Variants in ZNF462 observed in about 807,000 individuals in gnomAD.
ZNF462 encodes zinc finger protein 462.
Under a neutral mutation model 201.9 loss-of-function variants are expected in ZNF462, and 10 were observed. The ratio of observed to expected loss-of-function variants is 0.05; its 90% CI spans 0.03 to 0.08. ZNF462 has a LOEUF of 0.08. Among genes scored for constraint, ZNF462 ranks in the 10% least tolerant of loss-of-function variants. ZNF462 has a pLI of 1.00. For missense variants in ZNF462, 2,523 were observed against 3,168.3 expected (o/e 0.80, Z 4.89); for synonymous variants, 1,227 against 1,193.3 (o/e 1.03, Z -0.58).
At chr9:106,921,630 C>T (rs1001405475) in intron 1 of ZNF462, among the ~76,000 whole-genome samples, 1 of 152,180 alleles carries the variant, frequency 6.6e-6, no homozygotes, top group African/African-American at 2.4e-5. Context: ...GATGAAAGGA[C>T]TAAGCTTGGG....
Position 106,962,783 on chromosome 9 carries a change from T to C in ZNF462, c.6428-9222T>C, listed in dbSNP as rs1303394511. On this transcript the variant is annotated intron_variant, in intron 7 of 12. Coordinates refer to ENST00000277225, the MANE Select transcript of ZNF462 (RefSeq NM_021224.6). This position sits in a 1 kb window ranked among gnomAD's most constrained non-coding sequence, Gnocchi z 4.6. ...AGGATTAGGCGTTTGTTTTTCCGTT[T>C]GCCTCCATGACAACGGAGTCCAGAA... is the stretch of plus-strand genomic sequence containing the variant. Among the ~76,000 whole-genome samples, 5 of 152,062 alleles carry C rather than the reference T, an allele frequency of 3.3e-5. No individual in the cohort carries two copies. Among genetic ancestry groups the C allele is most frequent in the Admixed American group, 3.3e-4 (5 of 15,248 alleles).
intron 1 of ZNF462, among the ~76,000 whole-genome samples, chr9:106,866,277 T>C (rs1423599519): frequency 6.6e-6 from 1 of 152,248 alleles, no homozygotes; most frequent in Admixed American, 6.5e-5. Flanking sequence ...ATGTCTAAAA[T>C]ATTTTTGTAC....
intron 7 of ZNF462, among the ~76,000 whole-genome samples, chr9:106,942,793 G>C (rs1438739180): frequency 6.6e-6 from 1 of 152,200 alleles, no homozygotes; most frequent in Non-Finnish European, 1.5e-5. Context: ...AAGCTACACA[G>C]GACATGGGCA....
chr9:106,972,948 A>G lies in ZNF462; in HGVS notation c.6695+676A>G, dbSNP rs55710928. On this transcript the variant is annotated intron_variant, in intron 8 of 12. Transcript: ENST00000277225. The surrounding 1 kb of genome is among the most constrained non-coding windows in gnomAD (Gnocchi z 4.8). ...GATAGCGTTTAGGTTAGTGGTTACA[A>G]GTGTAGAGTGTGGAGCCTGACTACC... Among the ~76,000 whole-genome samples the G allele has an allele frequency of 0.19, 28,722 of 152,136 alleles. 3,599 individuals are homozygous for G. Among genetic ancestry groups the G allele is most frequent in the African/African-American group, 0.36 (14,823 of 41,474 alleles).
chr9:106,924,738 C>T lies in ZNF462; in HGVS notation c.826C>T (p.Leu276Phe), dbSNP rs1830119967. The T allele has an allele frequency of 6.2e-7, 1 of 1,614,108 alleles. No individual in the cohort carries two copies. The highest frequency in any genetic ancestry group is 2.2e-5 in the East Asian group (1 of 44,856). Residue 276 changes from leucine (L) to phenylalanine (F), a missense_variant, in exon 3 of 13, where the codon CTC (leucine) becomes TTC (phenylalanine). Physicochemically the swap from Leu to Phe is conservative, Grantham distance 22. Around this residue, in one of 15 missense-constraint regions of ZNF462, gnomAD observed 480 missense variants for 544.4 expected, o/e 0.88. Coordinates refer to ENST00000277225, the MANE Select transcript of ZNF462 (RefSeq NM_021224.6). This position sits in a 1 kb window ranked among gnomAD's most constrained non-coding sequence, Gnocchi z 6.2. ...CAGTATGGTCAAGATCCTTTCCAGTCTCAGACAGCAACAAGAAGGAACTAA... is the reference window on the plus strand; with the variant it reads ...CAGTATGGTCAAGATCCTTTCCAGTTTCAGACAGCAACAAGAAGGAACTAA... ...HRSMVKILSS[L>F]RQQQEGTNLP...
intron 7 of ZNF462, among the ~76,000 whole-genome samples, chr9:106,942,655 T>TA (rs1564121498): frequency 2.6e-5 from 4 of 152,220 alleles, no homozygotes; most frequent in African/African-American, 7.2e-5. Flanking sequence ...AACACAGGAC[T>TA]AGCTTTTATC....
chr9:106,868,614 G>C (rs1202566540), intron 1 of ZNF462, among the ~76,000 whole-genome samples: 1 of 152,174 alleles, frequency 6.6e-6, no homozygotes, highest in Admixed American at 6.5e-5. Flanking sequence ...TTAGGCCCTA[G>C]ATCATTTAGA....
In ZNF462 at chr9:106,978,972, A is replaced by G. The variant is rs1189657257; in HGVS notation, c.6832+4699A>G. ...TTCCAAGTTAATGTGTGTGAAGGCAACAGTAGTGCAGATCTCCCTGTGGAC... is the reference window on the plus strand; with the variant it reads ...TTCCAAGTTAATGTGTGTGAAGGCAGCAGTAGTGCAGATCTCCCTGTGGAC... On this transcript the variant is annotated intron_variant, in intron 9 of 12. Coordinates refer to ENST00000277225, the MANE Select transcript of ZNF462 (RefSeq NM_021224.6). The surrounding 1 kb of genome is among the most constrained non-coding windows in gnomAD (Gnocchi z 4.1). The G allele has an allele frequency of 7.5e-6, 2 of 266,590 alleles. No individual in the cohort carries two copies. Among genetic ancestry groups the G allele is most frequent in the East Asian group, 1.3e-4 (1 of 7,572 alleles). 16.5% of individuals were successfully genotyped at this position (266,590 alleles called of 1,614,324 possible). A position where few individuals can be genotyped will look rare whatever the true frequency, so the allele number is the denominator to read the frequency against.
rs1828171222 is a variant in ZNF462, at chr9:106,883,058, T to C, written c.-31+19703T>C. On this transcript the variant is annotated intron_variant, in intron 1 of 12. Transcript: ENST00000277225. The surrounding 1 kb of genome is among the most constrained non-coding windows in gnomAD (Gnocchi z 4.9). Reference sequence around the variant, plus strand: ...TGACTTTAGTTCTTGAACATTTCAATGGAATGATTTAGATCATTGAAAGTC... The same window carrying C: ...TGACTTTAGTTCTTGAACATTTCAACGGAATGATTTAGATCATTGAAAGTC... Among the ~76,000 whole-genome samples, 1 of 152,190 alleles carries C rather than the reference T, an allele frequency of 6.6e-6. No individual in the cohort carries two copies. The highest frequency in any genetic ancestry group is 1.5e-5 in the Non-Finnish European group (1 of 68,034).
chr9:106,945,416 C>T (rs1831062201), intron 7 of ZNF462, among the ~76,000 whole-genome samples: 1 of 152,102 alleles, frequency 6.6e-6, no homozygotes, highest in Admixed American at 6.6e-5. Flanking sequence ...AAAATTCAGC[C>T]TTTAAGAGGA....
chr9:106,976,162 G>T (rs571077070), intron 9 of ZNF462: 1 of 152,328 alleles, frequency 6.6e-6, no homozygotes, highest in Admixed American at 6.5e-5. Context: ...GAAGAAACTA[G>T]TGGAAAGTTC....
rs191849053 is a variant in ZNF462, at chr9:106,880,930, T to C, written c.-31+17575T>C. Among the ~76,000 whole-genome samples, 3 of 152,316 alleles carry C rather than the reference T, an allele frequency of 2.0e-5. No homozygotes were observed. Among genetic ancestry groups the C allele is most frequent in the Admixed American group, 2.0e-4 (3 of 15,306 alleles). On this transcript the variant is annotated intron_variant, in intron 1 of 12. Coordinates refer to ENST00000277225, the MANE Select transcript of ZNF462 (RefSeq NM_021224.6). This position sits in a 1 kb window ranked among gnomAD's most constrained non-coding sequence, Gnocchi z 4.1. ...CAAATAGTTTCTTTAAGAATTCTGA[T>C]TCCTACAAAACAATATTGGCAGGTT... is the stretch of plus-strand genomic sequence containing the variant.
chr9:106,939,912 C>T (rs1564119640), intron 7 of ZNF462, among the ~76,000 whole-genome samples: 1 of 152,184 alleles, frequency 6.6e-6, no homozygotes, highest in Non-Finnish European at 1.5e-5. Context: ...GCAGATTCTT[C>T]GAGGTAGACC....
rs757145095 is a variant in ZNF462, at chr9:106,932,567, G to T, written c.6116+18G>T. The T allele has an allele frequency of 3.7e-6, 6 of 1,614,056 alleles. No individual in the cohort carries two copies. The East Asian group carries it at 1.1e-4, about 30-fold the overall frequency. ...AGGCACAAGTAAGTGCTATTGGGGG[G>T]TCACTAGTGGTTACTGGGAGATGAT... On this transcript the variant is annotated intron_variant, in intron 5 of 12. Coordinates refer to ENST00000277225, the MANE Select transcript of ZNF462 (RefSeq NM_021224.6). This position sits in a 1 kb window ranked among gnomAD's most constrained non-coding sequence, Gnocchi z 6.8.
intron 1 of ZNF462, among the ~76,000 whole-genome samples, chr9:106,869,852 G>A (rs558282789): frequency 6.6e-6 from 1 of 152,278 alleles, no homozygotes; most frequent in African/African-American, 2.4e-5. Flanking sequence ...GTTTCCAAAT[G>A]TGGGAAAATG....
intron 7 of ZNF462, among the ~76,000 whole-genome samples, chr9:106,941,708 C>T (rs1830877538): frequency 6.6e-6 from 1 of 152,196 alleles, no homozygotes; most frequent in Admixed American, 6.5e-5. Context: ...GAAGGCTATT[C>T]ACATGAATGA....
intron 1 of ZNF462, among the ~76,000 whole-genome samples, chr9:106,882,660 G>T (rs1385854993): frequency 2.0e-5 from 3 of 152,194 alleles, no homozygotes; most frequent in African/African-American, 7.2e-5. Flanking sequence ...GTGCATTATA[G>T]AGTTAAATTT....
At position 106,925,172 on chromosome 9, in the gene ZNF462, T is replaced by C. The variant is rs1353913482; in HGVS notation, c.1260T>C (p.Asp420=). 6.2e-7 allele frequency: 1 copy of C among 1,614,218 alleles called. No individual in the cohort carries two copies. The highest frequency in any genetic ancestry group is 8.5e-7 in the Non-Finnish European group (1 of 1,180,046). The change falls in exon 3 of 13, where the codon GAT becomes GAC. Residue 420 remains aspartate (D), a synonymous_variant. Transcript: ENST00000277225. The surrounding 1 kb of genome is among the most constrained non-coding windows in gnomAD (Gnocchi z 7.9). ...GLSAEQLMGS[D]GNKLLETKGI... ...CTGCAGAGCAGCTGATGGGCTCAGATGGCAACAAATTATTGGAGACCAAGG... is the reference window on the plus strand; with the variant it reads ...CTGCAGAGCAGCTGATGGGCTCAGACGGCAACAAATTATTGGAGACCAAGG...
At chr9:106,889,539 C>G (rs1828481180) in intron 1 of ZNF462, among the ~76,000 whole-genome samples, 1 of 152,206 alleles carries the variant, frequency 6.6e-6, no homozygotes, top group Non-Finnish European at 1.5e-5. Flanking sequence ...CAGCCTTTCC[C>G]CGCTCACACT....
Sources: allele counts gnomAD v4.1 joint callset (sites outside exome capture counted in the v4.1 genomes callset), GRCh38; gene constraint gnomAD v4.1.1; regional missense constraint gnomAD v4.1.1; non-coding constraint Gnocchi (gnomAD v3.1); transcripts MANE v1.5; gene names NCBI Gene and HGNC (gene_info 2026-07-23, HGNC 2026-07-21).